The following CAPN13 variants were observed in gnomAD, a reference collection of about 807,000 sequenced individuals.
CAPN13 encodes calpain 13, also known as calpain-13.
A neutral mutation model predicts 98.4 loss-of-function variants in CAPN13; 90 were observed. The ratio of observed to expected loss-of-function variants is 0.92; its 90% CI spans 0.77 to 1.09. CAPN13 has a LOEUF of 1.09. CAPN13 is among the 50% of genes least tolerant of loss of function. The pLI, the probability that CAPN13 is intolerant of heterozygous loss-of-function variation, is 0.00. For synonymous variants in CAPN13, 330 were observed against 305.5 expected (o/e 1.08, Z -0.84); for missense variants, 887 against 841.3 (o/e 1.05, Z -0.67).
chr2:30,734,817 A>G (rs1671278007), intron 18 of CAPN13, among the ~76,000 whole-genome samples: 1 of 151,848 alleles, frequency 6.6e-6, no homozygotes, highest in Non-Finnish European at 1.5e-5. Context: ...CTCTCCAAAG[A>G]GTTTGCGTAG....
chr2:30,791,442 G>A (rs180715304), intron 1 of CAPN13, among the ~76,000 whole-genome samples: 3 of 152,260 alleles, frequency 2.0e-5, no homozygotes, highest in Non-Finnish European at 1.5e-5. Context: ...TCTTGAGTGT[G>A]TTCTGTGAAG....
intron 22 of CAPN13, among the ~76,000 whole-genome samples, chr2:30,726,008 T>G (rs968634323): frequency 6.6e-6 from 1 of 152,100 alleles, no homozygotes; most frequent in Non-Finnish European, 1.5e-5. Context: ...TACTAACAAA[T>G]GCTAGGATGA....
At chr2:30,779,914 G>A (rs879683062) in intron 2 of CAPN13, among the ~76,000 whole-genome samples, 3 of 152,056 alleles carry the variant, frequency 2.0e-5, no homozygotes, top group Non-Finnish European at 4.4e-5. Flanking sequence ...ATATTTGAGG[G>A]AGGGTTACAT....
At chr2:30,731,216 T>TG (rs886290788) in intron 21 of CAPN13, 128 bp downstream of exon 21, 7 of 748,754 alleles carry the variant, frequency 9.3e-6, no homozygotes, top group Non-Finnish European at 1.5e-5. Flanking sequence ...AATTGGAGGT[T>TG]GGGGGGACAG....
At chr2:30,752,911 C>T (rs1408016701) in intron 10 of CAPN13, 142 bp downstream of exon 10, 2 of 903,956 alleles carry the variant, frequency 2.2e-6, no homozygotes. Context: ...GTCGCTGTCT[C>T]TTCATGCTGA....
intron 7 of CAPN13, among the ~76,000 whole-genome samples, chr2:30,762,477 T>C (rs1329682219): frequency 6.6e-6 from 1 of 152,212 alleles, no homozygotes; most frequent in African/African-American, 2.4e-5. Flanking sequence ...AGAGAAATGA[T>C]GCATGCCTCT....
At chr2:30,765,752 G>A (rs544691282) in intron 5 of CAPN13, among the ~76,000 whole-genome samples, 3 of 152,166 alleles carry the variant, frequency 2.0e-5, no homozygotes, top group Non-Finnish European at 4.4e-5. Context: ...ACTCTGCCCC[G>A]GGCACGAATG....
intron 22 of CAPN13, among the ~76,000 whole-genome samples, chr2:30,729,330 C>G (rs75709817): frequency 6.6e-6 from 1 of 152,146 alleles, no homozygotes; most frequent in Non-Finnish European, 1.5e-5. Flanking sequence ...GAAGTAAACA[C>G]GACAATGCCT....
intron 15 of CAPN13, among the ~76,000 whole-genome samples, chr2:30,741,160 T>C (rs1671632870): frequency 6.6e-6 from 1 of 152,192 alleles, no homozygotes; most frequent in Non-Finnish European, 1.5e-5. Flanking sequence ...TGTGTACAGC[T>C]GCTCTTTGCA....
At position 30,743,450 on chromosome 2, in the gene CAPN13, C is replaced by T; in HGVS notation, c.1378G>A (p.Ala460Thr). 1 of 1,614,008 alleles carries T rather than the reference C, an allele frequency of 6.2e-7. No homozygotes were observed. The highest frequency in any genetic ancestry group is 1.1e-5 in the South Asian group (1 of 91,090). Residue 460 changes from alanine to threonine, a missense_variant, in exon 13 of 23, where the codon GCA (alanine) becomes ACA (threonine). Ala to Thr is a moderately conservative substitution (Grantham distance 58, BLOSUM62 0). Transcript: ENST00000295055. The stretch of plus-strand genomic sequence containing the variant: ...TCCGCTGATTTTCTCCGTGTCTGTG[C>T]AACCACAACATAGTTCCCAGGGCTC... ...HLSPGNYVVV[A>T]QTRRKSAEFL...
At chr2:30,799,017 G>A (rs558714554) in intron 1 of CAPN13, among the ~76,000 whole-genome samples, 33 of 152,236 alleles carry the variant, frequency 2.2e-4, no homozygotes, top group African/African-American at 7.5e-4. Flanking sequence ...CTCTCTGGTG[G>A]GAAAAAGATG....
intron 1 of CAPN13, among the ~76,000 whole-genome samples, chr2:30,806,718 T>A (rs1675650721): frequency 6.6e-6 from 1 of 152,240 alleles, no homozygotes; most frequent in Non-Finnish European, 1.5e-5. Context: ...GAGACACATG[T>A]GTGTGACCAT....
chr2:30,775,893 C>T (rs1373294540), intron 4 of CAPN13, 37 bp downstream of exon 4: 2 of 1,474,638 alleles, frequency 1.4e-6, no homozygotes, highest in Admixed American at 1.8e-5. Flanking sequence ...TCACAGAGAA[C>T]CCCATCATAT....
At position 30,741,974 on chromosome 2, in the gene CAPN13, A is replaced by G; in HGVS notation, c.1480-10T>C. ...GTTCTGAAGGGCTTCCCTGGATCAA[A>G]GGGAAAATAGTCAATGTTAGACTTC... On this transcript the variant is annotated splice_polypyrimidine_tract_variant and intron_variant, in intron 14 of 22. Transcript: ENST00000295055. 5.6e-6 allele frequency: 9 copies of G among 1,613,050 alleles called. No homozygotes were observed. Among genetic ancestry groups the G allele is most frequent in the Non-Finnish European group, 6.8e-6 (8 of 1,179,102 alleles).
At chr2:30,748,111 G>T (rs1672002412) in intron 11 of CAPN13, among the ~76,000 whole-genome samples, 1 of 152,254 alleles carries the variant, frequency 6.6e-6, no homozygotes, top group African/African-American at 2.4e-5. Context: ...TGATCCTTCT[G>T]TGGGCTTCTG....
chr2:30,795,143 T>G (rs1363239661), intron 1 of CAPN13, among the ~76,000 whole-genome samples: 2 of 152,064 alleles, frequency 1.3e-5, no homozygotes, highest in Non-Finnish European at 2.9e-5. Context: ...CACTGCTGTA[T>G]GTTACCCTAT....
intron 7 of CAPN13, among the ~76,000 whole-genome samples, chr2:30,759,052 T>C (rs200961692): frequency 0.011 from 165 of 15,606 alleles, 1 homozygote; most frequent in African/African-American, 0.05. Flanking sequence ...CCTTCCTTCC[T>C]TCCCTCCCTC....
At chr2:30,800,864 T>C (rs115969955) in intron 1 of CAPN13, among the ~76,000 whole-genome samples, 1,830 of 152,316 alleles carry the variant, frequency 0.012, 20 homozygotes, top group Middle Eastern at 0.058. Flanking sequence ...ATTCTAAGGA[T>C]GAGGTAGAGC....
At chr2:30,796,175 T>TATATATATACACAC (rs1674857102) in intron 1 of CAPN13, among the ~76,000 whole-genome samples, 2 of 145,682 alleles carry the variant, frequency 1.4e-5, no homozygotes, top group African/African-American at 5.2e-5. Flanking sequence ...TATGTGTGTA[T>TATATATATACACAC]ATATATATAC....
Sources: allele counts gnomAD v4.1 joint callset (sites outside exome capture counted in the v4.1 genomes callset), GRCh38; gene constraint gnomAD v4.1.1; transcripts MANE v1.5; gene names NCBI Gene and HGNC (gene_info 2026-07-23, HGNC 2026-07-21).